MSI2: variants seen among roughly 807,000 people sequenced by gnomAD.
MSI2 encodes the protein musashi RNA binding protein 2.
Under a neutral mutation model 45.6 loss-of-function variants are expected in MSI2, and 17 were observed. That is an observed-to-expected ratio of 0.37 (90% CI 0.26 to 0.56). The LOEUF (loss-of-function observed/expected upper bound fraction) is 0.56. Among genes scored for constraint, MSI2 ranks in the 20% least tolerant of loss-of-function variants. The pLI is 0.77. For missense variants in MSI2, 293 were observed against 444.2 expected (o/e 0.66, Z 3.06); for synonymous variants, 156 against 158.2 (o/e 0.99, Z 0.11).
At chr17:57,343,738 T>C (rs1204996636) in intron 5 of MSI2, among the ~76,000 whole-genome samples, 8 of 152,348 alleles carry the variant, frequency 5.3e-5, no homozygotes, top group Non-Finnish European at 1.2e-4. Flanking sequence ...TTAGGTTTTT[T>C]TGATGACTCT....
intron 5 of MSI2, among the ~76,000 whole-genome samples, chr17:57,360,648 G>A (rs1916752024): frequency 6.6e-6 from 1 of 152,208 alleles, no homozygotes; most frequent in Non-Finnish European, 1.5e-5. Flanking sequence ...CCCATGGAGT[G>A]ATTCTTCTAC....
At chr17:57,265,234 ACTT>A (rs531388276) in intron 5 of MSI2, 9 of 152,112 alleles carry the variant, frequency 5.9e-5, no homozygotes, top group Non-Finnish European at 1.2e-4. Context: ...CTTCAATAAA[ACTT>A]CTGTGTTTTT....
downstream of MSI2, among the ~76,000 whole-genome samples, chr17:57,687,089 G>A (rs1237080976): frequency 2.0e-5 from 3 of 150,322 alleles, no homozygotes; most frequent in Admixed American, 6.6e-5. Flanking sequence ...GAAACATTCT[G>A]TTGGATCAGA....
At chr17:57,484,990 C>T (rs2085724111) in intron 6 of MSI2, among the ~76,000 whole-genome samples, 1 of 152,254 alleles carries the variant, frequency 6.6e-6, no homozygotes, top group Admixed American at 6.5e-5. Context: ...CCTCTGCCCA[C>T]TGGAGGCTGA....
rs569924345 is a variant in MSI2 at position 57,576,753 on chromosome 17, TAA to T, written c.455-20097_455-20096del. Among the ~76,000 whole-genome samples, 640 of 128,644 alleles carry T rather than the reference TAA, an allele frequency of 5.0e-3. 4 individuals are homozygous for T. Among genetic ancestry groups the T allele is most frequent in the African/African-American group, 0.013 (430 of 34,100 alleles). 84.4% of individuals were successfully genotyped at this position (128,644 alleles called of 152,430 possible). On this transcript the variant is annotated intron_variant, in intron 7 of 13. Transcript: ENST00000284073. Reference sequence around the variant, plus strand: ...GGGTGACAGAGCGAGAATCTGTCTTTAAAAAAAAAAAAAAAAAAATGACTATA... The same window carrying T: ...GGGTGACAGAGCGAGAATCTGTCTTTAAAAAAAAAAAAAAAAATGACTATA...
intron 5 of MSI2, among the ~76,000 whole-genome samples, chr17:57,389,896 C>G (rs558141894): frequency 1.3e-5 from 2 of 152,234 alleles, no homozygotes; most frequent in East Asian, 3.9e-4. Context: ...GCTCCTTCTG[C>G]TCTTCTGTGG....
At chr17:57,473,356 A>G (rs916011191) in intron 6 of MSI2, among the ~76,000 whole-genome samples, 2 of 152,210 alleles carry the variant, frequency 1.3e-5, no homozygotes, top group Non-Finnish European at 2.9e-5. Flanking sequence ...GGATGTATAT[A>G]TAACTCATTC....
intron 5 of MSI2, among the ~76,000 whole-genome samples, chr17:57,358,714 T>TA (rs1365292812): frequency 3.9e-5 from 6 of 152,208 alleles, no homozygotes; most frequent in African/African-American, 1.4e-4. Flanking sequence ...TTGAGGAAAA[T>TA]AATTTTAGGA....
At chr17:57,525,094 A>G (rs181935148) in intron 6 of MSI2, among the ~76,000 whole-genome samples, 2 of 152,334 alleles carry the variant, frequency 1.3e-5, no homozygotes, top group African/African-American at 4.8e-5. Context: ...TCCAGCAGCC[A>G]TAGAAACTAA....
At chr17:57,329,143 G>C (rs1598127053) in intron 5 of MSI2, among the ~76,000 whole-genome samples, 1 of 152,122 alleles carries the variant, frequency 6.6e-6, no homozygotes, top group African/African-American at 2.4e-5. Context: ...CATAGAAGAT[G>C]CTGGGATTGT....
At chr17:57,276,400 G>A (rs1333083659) in intron 5 of MSI2, among the ~76,000 whole-genome samples, 1 of 152,240 alleles carries the variant, frequency 6.6e-6, no homozygotes. Flanking sequence ...CTGATTTGGA[G>A]GGTTAATATT....
At chr17:57,425,393 A>G (rs943116458) in intron 6 of MSI2, among the ~76,000 whole-genome samples, 5 of 152,252 alleles carry the variant, frequency 3.3e-5, no homozygotes, top group African/African-American at 1.2e-4. Context: ...TCTCATCACC[A>G]TGAGATAACC....
chr17:57,347,594 A>G (rs1915712745), intron 5 of MSI2, among the ~76,000 whole-genome samples: 1 of 152,048 alleles, frequency 6.6e-6, no homozygotes, highest in African/African-American at 2.4e-5. Flanking sequence ...TGGTACTTAT[A>G]TTGGAGTTGT....
intron 5 of MSI2, among the ~76,000 whole-genome samples, chr17:57,319,264 A>G (rs1234876746): frequency 6.6e-6 from 1 of 152,134 alleles, no homozygotes; most frequent in African/African-American, 2.4e-5. Context: ...ACTGGTTATC[A>G]TTTCTATCTC....
intron 2 of MSI2, 137 bp downstream of exon 2, chr17:57,257,275 T>G (rs956287926): frequency 1.8e-6 from 1 of 545,028 alleles, no homozygotes; most frequent in Non-Finnish European, 3.0e-6. Context: ...TTTTTTTAAA[T>G]AGCAAATCCT....
chr17:57,670,688 C>CA (rs1226565566), intron 11 of MSI2, among the ~76,000 whole-genome samples: 1 of 152,124 alleles, frequency 6.6e-6, no homozygotes, highest in Non-Finnish European at 1.5e-5. Flanking sequence ...TTAAATGCAC[C>CA]AAATGGATAA....
chr17:57,642,782 T>C (rs557967606), intron 10 of MSI2, among the ~76,000 whole-genome samples: 19 of 152,346 alleles, frequency 1.2e-4, no homozygotes, highest in African/African-American at 3.8e-4. Context: ...GGGCTGAGAA[T>C]GGGTCTTGAG....
intron 9 of MSI2, among the ~76,000 whole-genome samples, chr17:57,624,531 G>T (rs1908613427): frequency 6.6e-6 from 1 of 152,178 alleles, no homozygotes; most frequent in Non-Finnish European, 1.5e-5. Context: ...TCGGGTTGCT[G>T]AGCTCAACAT....
chr17:57,437,276 C>A (rs1018483368), intron 6 of MSI2, among the ~76,000 whole-genome samples: 6 of 152,190 alleles, frequency 3.9e-5, no homozygotes, highest in Non-Finnish European at 7.3e-5. Context: ...CACCTCCAAT[C>A]CCTTTGGAAC....
Sources: gnomAD v4.1 joint callset for allele counts (sites outside exome capture counted in the v4.1 genomes callset) on GRCh38, gnomAD v4.1.1 for gene constraint, MANE v1.5 for transcripts, NCBI Gene and HGNC (gene_info 2026-07-23, HGNC 2026-07-21) for gene names.